The following DTWD2 variants were observed in gnomAD, a reference collection of about 807,000 sequenced individuals.
The protein encoded by DTWD2 is DTW motif tRNA-uridine aminocarboxypropyltransferase 2, also known as tRNA-uridine aminocarboxypropyltransferase 2.
A neutral mutation model predicts 31.8 loss-of-function variants in DTWD2; 39 were observed. The observed-to-expected ratio is 1.22, with a 90% CI of 0.95 to 1.60. The LOEUF (loss-of-function observed/expected upper bound fraction) is 1.60. Among genes scored for constraint, DTWD2 ranks in the 40% most tolerant of loss-of-function variants. The pLI is 0.00. For missense variants in DTWD2, 515 were observed against 381.5 expected, an observed-to-expected ratio of 1.35 and a Z score of -2.92; for synonymous variants, 180 against 142.8, an observed-to-expected ratio of 1.26 and a Z score of -1.86.
At chr5:118,874,392 T>C (rs1271147190) in intron 4 of DTWD2, among the ~76,000 whole-genome samples, 1 of 152,118 alleles carries the variant, frequency 6.6e-6, no homozygotes, top group Non-Finnish European at 1.5e-5. Context: ...TAATTTAGAA[T>C]ATGAATATGA....
chr5:118,866,203 C>G (rs1752377902), intron 4 of DTWD2, among the ~76,000 whole-genome samples: 1 of 152,050 alleles, frequency 6.6e-6, no homozygotes, highest in African/African-American at 2.4e-5. Flanking sequence ...TTGTTTAACG[C>G]CAGAGAAGTC....
chr5:118,917,675 T>C (rs1017095810), intron 4 of DTWD2, among the ~76,000 whole-genome samples: 6 of 152,258 alleles, frequency 3.9e-5, no homozygotes, highest in Admixed American at 1.3e-4. Flanking sequence ...AAACCCCTTG[T>C]AAAATCATCC....
intron 4 of DTWD2, among the ~76,000 whole-genome samples, chr5:118,853,811 G>A (rs926783786): frequency 6.6e-6 from 1 of 152,004 alleles, no homozygotes; most frequent in Admixed American, 6.6e-5. Context: ...AAATCTAAAC[G>A]TCAGGCAATA....
intron 1 of DTWD2, among the ~76,000 whole-genome samples, chr5:118,965,646 G>C (rs912684684): frequency 6.6e-6 from 1 of 152,086 alleles, no homozygotes; most frequent in African/African-American, 2.4e-5. Flanking sequence ...CCCCCAACCC[G>C]GTGCTCTCTG....
At chr5:118,866,469 C>T (rs1382771870) in intron 4 of DTWD2, among the ~76,000 whole-genome samples, 1 of 152,036 alleles carries the variant, frequency 6.6e-6, no homozygotes, top group Non-Finnish European at 1.5e-5. Flanking sequence ...TTGAATCCAG[C>T]AGTGTGACAA....
chr5:118,960,951 A>T (rs1754691967), intron 1 of DTWD2, among the ~76,000 whole-genome samples: 2 of 152,160 alleles, frequency 1.3e-5, no homozygotes, highest in Non-Finnish European at 2.9e-5. Context: ...GAGGGTGAGG[A>T]TCAAAAAATT....
chr5:118,921,365 A>G (rs1023711679), intron 4 of DTWD2, among the ~76,000 whole-genome samples: 6 of 152,142 alleles, frequency 3.9e-5, no homozygotes, highest in African/African-American at 1.4e-4. Context: ...GTGTTTAAAA[A>G]TTAGTCAGGT....
chr5:118,929,654 T>C (rs978027080), intron 3 of DTWD2, among the ~76,000 whole-genome samples: 1 of 152,224 alleles, frequency 6.6e-6, no homozygotes, highest in African/African-American at 2.4e-5. Flanking sequence ...CATCGTATAT[T>C]ATCTATTGAA....
chr5:118,955,116 A>G (rs531134822), intron 1 of DTWD2, among the ~76,000 whole-genome samples: 41 of 152,364 alleles, frequency 2.7e-4, no homozygotes, highest in Non-Finnish European at 4.4e-4. Flanking sequence ...TGTAAACACT[A>G]TAAGCGTGAT....
chr5:118,925,642 G>A lies in DTWD2; in HGVS notation c.597+2895C>T, dbSNP rs543662156. ...GGGTGGATCACAAGGTCAGGAAATC[G>A]AGACCATCCTGGCTAACATGGTGAA... On this transcript the variant is annotated intron_variant, in intron 4 of 5. Coordinates refer to ENST00000510708, the MANE Select transcript of DTWD2 (RefSeq NM_173666.4). Among the ~76,000 whole-genome samples the A allele has an allele frequency of 6.7e-4, 102 of 151,470 alleles. No individual in the cohort carries two copies. In the South Asian group the frequency reaches 0.018, roughly 27 times the overall value.
intron 2 of DTWD2, among the ~76,000 whole-genome samples, chr5:118,940,419 AT>A (rs999939450): frequency 6.6e-6 from 1 of 152,212 alleles, no homozygotes; most frequent in African/African-American, 2.4e-5. Flanking sequence ...GTGCCATAAG[AT>A]TTAAAATGCC....
intron 4 of DTWD2, among the ~76,000 whole-genome samples, chr5:118,867,299 A>T (rs928303840): frequency 6.6e-6 from 1 of 152,188 alleles, no homozygotes; most frequent in Non-Finnish European, 1.5e-5. Context: ...AAAGGAAAAA[A>T]TTAATTCTAT....
At chr5:118,843,959 A>C (rs1018041242) in intron 5 of DTWD2, among the ~76,000 whole-genome samples, 1 of 152,348 alleles carries the variant, frequency 6.6e-6, no homozygotes, top group Non-Finnish European at 1.5e-5. Flanking sequence ...TTAGGGCAGA[A>C]GCATTAAAAG....
chr5:118,897,742 T>C (rs74568761), intron 4 of DTWD2, among the ~76,000 whole-genome samples: 4,130 of 152,320 alleles, frequency 0.027, 89 homozygotes, highest in Non-Finnish European at 0.038. Context: ...CTCCTCTTCC[T>C]GTCAGAAAAT....
chr5:118,882,482 T>G (rs1752762793), intron 4 of DTWD2, among the ~76,000 whole-genome samples: 1 of 152,224 alleles, frequency 6.6e-6, no homozygotes, highest in Non-Finnish European at 1.5e-5. Flanking sequence ...GGGGACTCTG[T>G]GTGGGGGCTC....
intron 4 of DTWD2, among the ~76,000 whole-genome samples, chr5:118,891,213 T>A (rs976647575): frequency 1.2e-4 from 18 of 151,836 alleles, no homozygotes; most frequent in African/African-American, 3.4e-4. Context: ...AAAAAAAAAA[T>A]TTCATTATTA....
intron 4 of DTWD2, among the ~76,000 whole-genome samples, chr5:118,863,719 G>A (rs989417215): frequency 2.0e-5 from 3 of 152,156 alleles, no homozygotes; most frequent in African/African-American, 7.2e-5. Context: ...TCTCATGGAA[G>A]GAGCAGATCC....
At chr5:118,951,122 T>C (rs890865431) in intron 1 of DTWD2, among the ~76,000 whole-genome samples, 1 of 152,130 alleles carries the variant, frequency 6.6e-6, no homozygotes, top group African/African-American at 2.4e-5. Context: ...ACCTTGACCA[T>C]GCCTTTAGCT....
At chr5:118,958,684 A>C (rs77221280) in intron 1 of DTWD2, among the ~76,000 whole-genome samples, 2 of 152,124 alleles carry the variant, frequency 1.3e-5, no homozygotes, top group Non-Finnish European at 2.9e-5. Flanking sequence ...GATGAACATA[A>C]ATGCAAAAAT....
Sources: gnomAD v4.1 joint callset for allele counts (sites outside exome capture counted in the v4.1 genomes callset) on GRCh38, gnomAD v4.1.1 for gene constraint, MANE v1.5 for transcripts, NCBI Gene and HGNC (gene_info 2026-07-23, HGNC 2026-07-21) for gene names.